The following NEK7 variants were observed in gnomAD, a reference collection of about 807,000 sequenced individuals.
The protein encoded by NEK7 is NIMA related kinase 7.
A neutral mutation model predicts 44.6 loss-of-function variants in NEK7; 18 were observed. That is an observed-to-expected ratio of 0.40 (90% CI 0.28 to 0.60). The LOEUF is 0.60. NEK7 is among the 20% of genes least tolerant of loss of function. The probability of loss-of-function intolerance (pLI) is 0.38; values close to 1 mark genes in which losing one functional copy is unlikely to be tolerated. For synonymous variants in NEK7, 130 were observed against 121.1 expected (o/e 1.07, Z -0.48); for missense variants, 256 against 366.5 (o/e 0.70, Z 2.46).
chr1:198,203,212 C>A (rs1218934524), intron 1 of NEK7, among the ~76,000 whole-genome samples: 2 of 152,132 alleles, frequency 1.3e-5, no homozygotes, highest in African/African-American at 4.8e-5. Flanking sequence ...ACATTAGTTA[C>A]AGTTAATATT....
chr1:198,274,440 G>A (rs1001966872), intron 5 of NEK7, among the ~76,000 whole-genome samples: 1 of 151,662 alleles, frequency 6.6e-6, no homozygotes. Flanking sequence ...TCCTGCCCAT[G>A]AAGCTGACCC....
rs571222654 is a variant in NEK7 at position 198,322,233 on chromosome 1, C to A, written c.*2711C>A. 1 of 152,178 alleles carries A rather than the reference C, an allele frequency of 6.6e-6. No individual in the cohort carries two copies. Among genetic ancestry groups the A allele is most frequent in the African/African-American group, 2.4e-5 (1 of 41,526 alleles). The allele number at this position is 152,178 out of a possible 1,614,324, so 9.4% of individuals were successfully genotyped here. A position where few individuals can be genotyped will look rare whatever the true frequency, so the allele number is the denominator to read the frequency against. On this transcript the variant is annotated 3_prime_UTR_variant, in exon 10 of 10. Coordinates refer to ENST00000367385, the MANE Select transcript of NEK7 (RefSeq NM_133494.3). ...TAAAATGAATGTATTATGTTTTTAACCCACAAATGCATACTTACCCTGTGC... is the reference window on the plus strand; with the variant it reads ...TAAAATGAATGTATTATGTTTTTAAACCACAAATGCATACTTACCCTGTGC...
chr1:198,273,074 A>G (rs1653904414), intron 5 of NEK7, among the ~76,000 whole-genome samples: 1 of 151,786 alleles, frequency 6.6e-6, no homozygotes, highest in South Asian at 2.1e-4. Context: ...GATTATATTT[A>G]TATTCTATTA....
chr1:198,257,267 G>C (rs984148480), intron 3 of NEK7, among the ~76,000 whole-genome samples: 2 of 152,030 alleles, frequency 1.3e-5, no homozygotes, highest in African/African-American at 4.8e-5. Flanking sequence ...CTTCCCCAAA[G>C]TATTCTTTGA....
Position 198,297,140 on chromosome 1 carries a change from A to G in NEK7, c.698A>G (p.Gln233Arg). The change falls in exon 9 of 10, where the codon CAA (glutamine) becomes CGA (arginine). Residue 233 changes from glutamine (Q) to arginine (R), a missense_variant. Gln to Arg is a conservative substitution (Grantham distance 43). Around this residue, in one of 3 missense-constraint regions of NEK7, gnomAD observed 102 missense variants for 205.2 expected, o/e 0.50. Coordinates refer to ENST00000367385, the MANE Select transcript of NEK7 (RefSeq NM_133494.3). ...GGCATTTTACAGATGGCTGCATTAC[A>G]AAGTCCTTTCTATGGTGACAAAATG... ...GCLLYEMAAL[Q>R]SPFYGDKMNL... 1.2e-6 allele frequency: 2 copies of G among 1,612,022 alleles called. No homozygotes were observed. Among genetic ancestry groups the G allele is most frequent in the African/African-American group, 1.3e-5 (1 of 75,004 alleles).
At chr1:198,279,202 A>C (rs1444858730) in intron 7 of NEK7, 141 bp downstream of exon 7, 20 of 466,590 alleles carry the variant, frequency 4.3e-5, no homozygotes, top group East Asian at 3.9e-4. Flanking sequence ...GATGCCTGCA[A>C]CTCTCTATTA....
At chr1:198,272,561 A>C (rs1653887962) in intron 5 of NEK7, among the ~76,000 whole-genome samples, 1 of 151,822 alleles carries the variant, frequency 6.6e-6, no homozygotes, top group Admixed American at 6.6e-5. Context: ...TAAAGAGGGA[A>C]ATATTTCTGT....
At chr1:198,186,714 C>T (rs1292011010) in intron 1 of NEK7, among the ~76,000 whole-genome samples, 2 of 152,118 alleles carry the variant, frequency 1.3e-5, no homozygotes, top group African/African-American at 4.8e-5. Flanking sequence ...GATATGCTGT[C>T]AGGTGCTGAG....
At chr1:198,164,456 A>G (rs1437247494) in intron 1 of NEK7, among the ~76,000 whole-genome samples, 3 of 152,220 alleles carry the variant, frequency 2.0e-5, no homozygotes, top group African/African-American at 7.2e-5. Context: ...GGCATTATTC[A>G]GAGATATTGC....
intron 9 of NEK7, among the ~76,000 whole-genome samples, chr1:198,301,639 G>C (rs767205653): frequency 1.2e-4 from 19 of 152,218 alleles, no homozygotes; most frequent in Non-Finnish European, 2.6e-4. Context: ...GTTGAGTACA[G>C]GGTTTGCAGA....
At chr1:198,226,849 T>C (rs958425904) in intron 1 of NEK7, among the ~76,000 whole-genome samples, 9 of 134,838 alleles carry the variant, frequency 6.7e-5, no homozygotes, top group South Asian at 5.3e-4. Flanking sequence ...TTCTCTGACC[T>C]GCTTTGTCTG....
chr1:198,212,600 A>C lies in NEK7; in HGVS notation c.-28-19953A>C, dbSNP rs1280164171. On this transcript the variant is annotated intron_variant, in intron 1 of 9. Transcript: ENST00000367385. ...GTGCCTGCACGTGGGGAGCCAGAGC[A>C]TGGACTTGCCTGACCCAGCCCACAC... 2.6e-5 allele frequency among the ~76,000 whole-genome samples: 4 copies of C among 152,286 alleles called. No homozygotes were observed. In the East Asian group the frequency reaches 7.7e-4, roughly 29 times the overall value.
At position 198,253,108 on chromosome 1, in the gene NEK7, C is replaced by T. The variant is rs754203657; in HGVS notation, c.126C>T (p.Arg42=). The change falls in exon 3 of 10, where the codon CGC becomes CGT. Residue 42 remains arginine, a synonymous_variant. Transcript: ENST00000367385. ...ANFRIEKKIG[R]GQFSEVYRAA... is the part of the protein sequence containing the mutation. ...TTCGAATAGAAAAGAAAATTGGTCG[C>T]GGACAATTTAGTGAAGTTTATAGAG... 1.2e-5 allele frequency: 19 copies of T among 1,611,848 alleles called. No individual in the cohort carries two copies. The highest frequency in any genetic ancestry group is 4.5e-5 in the East Asian group (2 of 44,814).
Position 198,320,256 on chromosome 1 carries a change from T to C in NEK7, c.*734T>C, listed in dbSNP as rs1198783510. 1 of 152,172 alleles carries C rather than the reference T, an allele frequency of 6.6e-6. No homozygotes were observed. Among genetic ancestry groups the C allele is most frequent in the African/African-American group, 2.4e-5 (1 of 41,466 alleles). 9.4% of individuals were successfully genotyped at this position (152,172 alleles called of 1,614,324 possible). On this transcript the variant is annotated 3_prime_UTR_variant, in exon 10 of 10. Coordinates refer to ENST00000367385, the MANE Select transcript of NEK7 (RefSeq NM_133494.3). Reference sequence around the variant, plus strand: ...TTAAGGATTTGTTTAGCTGGTGTGATAATAATTTTTAAAGTTGCACATTGC... The same window carrying C: ...TTAAGGATTTGTTTAGCTGGTGTGACAATAATTTTTAAAGTTGCACATTGC...
At chr1:198,314,053 G>A (rs377470131) in intron 9 of NEK7, among the ~76,000 whole-genome samples, 6 of 151,900 alleles carry the variant, frequency 3.9e-5, no homozygotes, top group East Asian at 1.9e-4. Flanking sequence ...CATTCTCCCC[G>A]TCACTTTCAG....
chr1:198,163,215 C>T lies in NEK7; in HGVS notation c.-29+5939C>T, dbSNP rs182505712. ...ACCATATAGTAAAGTGATATGATAC[C>T]GGCACAGTGGCTCATACTTGTAGTC... On this transcript the variant is annotated intron_variant, in intron 1 of 9. Coordinates refer to ENST00000367385, the MANE Select transcript of NEK7 (RefSeq NM_133494.3). 1.4e-3 allele frequency among the ~76,000 whole-genome samples: 209 copies of T among 152,052 alleles called. 2 individuals carry two copies. The highest frequency in any genetic ancestry group is 3.4e-3 in the Middle Eastern group (1 of 294).
At chr1:198,199,291 C>G (rs1490463497) in intron 1 of NEK7, among the ~76,000 whole-genome samples, 1 of 152,308 alleles carries the variant, frequency 6.6e-6, no homozygotes, top group East Asian at 1.9e-4. Flanking sequence ...TGGTGTAGAC[C>G]TTTGTTCAGT....
At chr1:198,248,659 T>G (rs1666901974) in intron 2 of NEK7, among the ~76,000 whole-genome samples, 1 of 152,238 alleles carries the variant, frequency 6.6e-6, no homozygotes, top group South Asian at 2.1e-4. Flanking sequence ...GTTAAATAAC[T>G]GTCAGGAAGT....
intron 1 of NEK7, chr1:198,197,911 A>G: frequency 7.6e-7 from 1 of 1,323,812 alleles, no homozygotes; most frequent in Admixed American, 1.7e-5. Context: ...CGAACATGCC[A>G]GGAGCCAAGG....
Sources: allele counts gnomAD v4.1 joint callset (sites outside exome capture counted in the v4.1 genomes callset), GRCh38; gene constraint gnomAD v4.1.1; regional missense constraint gnomAD v4.1.1; transcripts MANE v1.5; gene names NCBI Gene and HGNC (gene_info 2026-07-23, HGNC 2026-07-21).